The following SLC8B1 variants were observed in gnomAD, a reference collection of about 807,000 sequenced individuals.
SLC8B1 encodes the protein mitochondrial sodium/calcium exchanger protein.
In SLC8B1, 52 loss-of-function variants were observed where a neutral mutation model predicts 63.4. The ratio of observed to expected loss-of-function variants is 0.82; its 90% confidence interval spans 0.66 to 1.03. The LOEUF (loss-of-function observed/expected upper bound fraction) is 1.03. Ranked by LOEUF, SLC8B1 falls within the 50% of genes least tolerant of loss-of-function variation. SLC8B1 has a pLI of 0.00. For synonymous variants in SLC8B1, 336 were observed against 323.9 expected (o/e 1.04, Z -0.40); for missense variants, 657 against 741.7 (o/e 0.89, Z 1.33).
Position 113,303,141 on chromosome 12 carries a change from A to ACG in SLC8B1, c.1557+1178_1557+1179dup, listed in dbSNP as rs1555273553. Among the ~76,000 whole-genome samples, 601 of 145,698 alleles carry ACG rather than the reference A, an allele frequency of 4.1e-3. 2 individuals are homozygous for ACG. Among genetic ancestry groups the ACG allele is most frequent in the South Asian group, 6.7e-3 (31 of 4,640 alleles). On this transcript the variant is annotated intron_variant, in intron 15 of 15. Coordinates refer to ENST00000680972, the MANE Select transcript of SLC8B1 (RefSeq NM_001358345.2). ...CACACACACACACACACACACACAC[A>ACG]CGCGCGCGCACAGGAGAAAAGAGGA...
chr12:113,303,588 G>A (rs1245367649), intron 15 of SLC8B1, among the ~76,000 whole-genome samples: 1 of 152,198 alleles, frequency 6.6e-6, no homozygotes, highest in Non-Finnish European at 1.5e-5. Context: ...CAGCGGCTCA[G>A]GGGTCCAATC....
chr12:113,307,003 C>T (rs1173807521), intron 13 of SLC8B1, among the ~76,000 whole-genome samples: 8 of 150,826 alleles, frequency 5.3e-5, no homozygotes, highest in East Asian at 1.9e-4. Flanking sequence ...CCCAGCTACT[C>T]GGGAGGCTGA....
At position 113,306,593 on chromosome 12, in the gene SLC8B1, G is replaced by T. The variant is rs572218435; in HGVS notation, c.1412-18C>A. The T allele has an allele frequency of 1.2e-6, 2 of 1,611,964 alleles. No individual in the cohort carries two copies. Among genetic ancestry groups the T allele is most frequent in the African/African-American group, 1.3e-5 (1 of 75,022 alleles). ...GAAGGCATCTGCACAGGAACAAGAG[G>T]GGCCTGCAGTGGTGAGTCGCTTCCC... On this transcript the variant is annotated intron_variant, in intron 13 of 15. Transcript: ENST00000680972.
chr12:113,305,926 G>A lies in SLC8B1; in HGVS notation c.1492+569C>T, dbSNP rs145029307. ...ATACAAAAATTAGCTGGGCGTGGTC[G>A]TGGGCGCCTGTAGTCCCAGCTACTC... On this transcript the variant is annotated intron_variant, in intron 14 of 15. Transcript: ENST00000680972. This position sits in a 1 kb window ranked among gnomAD's most constrained non-coding sequence, Gnocchi z 4.3. Among the ~76,000 whole-genome samples, 4 of 151,912 alleles carry A rather than the reference G, an allele frequency of 2.6e-5. No individual in the cohort carries two copies. Among genetic ancestry groups the A allele is most frequent in the African/African-American group, 7.2e-5 (3 of 41,440 alleles).
In SLC8B1 at chr12:113,305,861, A is replaced by G. The variant is rs1956664023; in HGVS notation, c.1492+634T>C. Among the ~76,000 whole-genome samples the G allele has an allele frequency of 6.6e-6, 1 of 151,928 alleles. No individual in the cohort carries two copies. The highest frequency in any genetic ancestry group is 2.4e-5 in the African/African-American group (1 of 41,378). ...ATCACTTGAGGTCAGGAGTTTGAGA[A>G]CAGCCTGGCCAACATAGTGAAACCC... On this transcript the variant is annotated intron_variant, in intron 14 of 15. Coordinates refer to ENST00000680972, the MANE Select transcript of SLC8B1 (RefSeq NM_001358345.2). The surrounding 1 kb of genome is among the most constrained non-coding windows in gnomAD (Gnocchi z 4.3).
intron 13 of SLC8B1, 41 bp downstream of exon 13, chr12:113,307,650 C>A: frequency 6.3e-7 from 1 of 1,594,570 alleles, no homozygotes; most frequent in Non-Finnish European, 8.5e-7. Flanking sequence ...TAAGATGTGG[C>A]CGCACTCACC....
rs375436288 is a variant in SLC8B1 at position 113,321,368 on chromosome 12, G to A, written c.157-20C>T. 4 of 1,613,946 alleles carry A rather than the reference G, an allele frequency of 2.5e-6. No homozygotes were observed. The African/African-American group carries it at 5.3e-5, about 22-fold the overall frequency. ...GCGGCACTGCAGGAAGACAGGGAGG[G>A]GGACATCAGCGGCAGAGACTTCCCT... On this transcript the variant is annotated intron_variant, in intron 2 of 15. Coordinates refer to ENST00000680972, the MANE Select transcript of SLC8B1 (RefSeq NM_001358345.2).
intron 14 of SLC8B1, 80 bp downstream of exon 14, chr12:113,306,415 C>A: frequency 8.0e-7 from 1 of 1,248,616 alleles, no homozygotes; most frequent in African/African-American, 1.5e-5. Context: ...GAGAACCAAT[C>A]CCCAGGGTGG....
At chr12:113,328,867 T>C (rs537388518) in intron 2 of SLC8B1, among the ~76,000 whole-genome samples, 2 of 151,648 alleles carry the variant, frequency 1.3e-5, no homozygotes, top group African/African-American at 4.8e-5. Flanking sequence ...TTCTCCTACC[T>C]CAGCCTCCCG....
chr12:113,314,684 C>A (rs535579956), intron 11 of SLC8B1, among the ~76,000 whole-genome samples: 1 of 152,292 alleles, frequency 6.6e-6, no homozygotes, highest in South Asian at 2.1e-4. Flanking sequence ...GGGGGTGCCC[C>A]TTCTCTGCTC....
In SLC8B1 at chr12:113,327,879, A is replaced by G. The variant is rs1374545150; in HGVS notation, c.156+4844T>C. Among the ~76,000 whole-genome samples, 4 of 151,434 alleles carry G rather than the reference A, an allele frequency of 2.6e-5. No homozygotes were observed. The East Asian group carries it at 7.8e-4, about 29-fold the overall frequency. On this transcript the variant is annotated intron_variant, in intron 2 of 15. Transcript: ENST00000680972. ...TGTAATCGCAGCTACTTGGGAAGCC[A>G]AGGCAGGAGAATCGCTTGAACCCAG...
Position 113,310,222 on chromosome 12 carries a change from C to A in SLC8B1, c.1257+12G>T. ...CCCTCCCCCCCCATCTCGGAGAACCCGGGCTTCTTACCCAGTGAAGCCTGG... is the reference window on the plus strand; with the variant it reads ...CCCTCCCCCCCCATCTCGGAGAACCAGGGCTTCTTACCCAGTGAAGCCTGG... On this transcript the variant is annotated intron_variant, in intron 12 of 15. Coordinates refer to ENST00000680972, the MANE Select transcript of SLC8B1 (RefSeq NM_001358345.2). The A allele has an allele frequency of 6.2e-7, 1 of 1,612,046 alleles. No individual in the cohort carries two copies. Among genetic ancestry groups the A allele is most frequent in the Non-Finnish European group, 8.5e-7 (1 of 1,179,278 alleles).
At chr12:113,306,413 A>G in intron 14 of SLC8B1, 82 bp downstream of exon 14, 2 of 1,226,508 alleles carry the variant, frequency 1.6e-6, no homozygotes, top group Non-Finnish European at 2.2e-6. Context: ...CCGAGAACCA[A>G]TCCCCAGGGT....
intron 2 of SLC8B1, among the ~76,000 whole-genome samples, chr12:113,327,681 C>CA (rs1190508653): frequency 0.053 from 5,560 of 104,634 alleles, 162 homozygotes; most frequent in East Asian, 0.19. Flanking sequence ...GACTCTGTCT[C>CA]AAAAAAAAAA....
intron 2 of SLC8B1, among the ~76,000 whole-genome samples, chr12:113,330,313 C>T (rs1251430533): frequency 2.6e-5 from 4 of 152,240 alleles, no homozygotes; most frequent in Non-Finnish European, 5.9e-5. Flanking sequence ...CTTTCCCAGC[C>T]TGCAGGCTCC....
chr12:113,320,167 C>T lies in SLC8B1; in HGVS notation c.694+164G>A, dbSNP rs940112343. 20 of 795,476 alleles carry T rather than the reference C, an allele frequency of 2.5e-5. No homozygotes were observed. Among genetic ancestry groups the T allele is most frequent in the Non-Finnish European group, 3.8e-5 (19 of 503,368 alleles). 49.3% of individuals were successfully genotyped at this position (795,476 alleles called of 1,614,324 possible). Reference sequence around the variant, plus strand: ...CAGGCCTCTTTGGTTATGTGACCCACATGTTCCCATTTTTGCTCAAGCCAG... The same window carrying T: ...CAGGCCTCTTTGGTTATGTGACCCATATGTTCCCATTTTTGCTCAAGCCAG... On this transcript the variant is annotated intron_variant, in intron 7 of 15. Coordinates refer to ENST00000680972, the MANE Select transcript of SLC8B1 (RefSeq NM_001358345.2). The surrounding 1 kb of genome is among the most constrained non-coding windows in gnomAD (Gnocchi z 5.3).
At chr12:113,314,675 G>A (rs1017613744) in intron 11 of SLC8B1, among the ~76,000 whole-genome samples, 11 of 152,190 alleles carry the variant, frequency 7.2e-5, no homozygotes, top group South Asian at 2.1e-4. Flanking sequence ...CACCCCATAG[G>A]GGGTGCCCCT....
At chr12:113,323,965 C>G (rs1324257500) in intron 2 of SLC8B1, among the ~76,000 whole-genome samples, 1 of 152,040 alleles carries the variant, frequency 6.6e-6, no homozygotes, top group South Asian at 2.1e-4. Flanking sequence ...CTGCCCCAAC[C>G]CCTCAATCTT....
At chr12:113,301,142 CA>C (rs1428679959) in intron 15 of SLC8B1, among the ~76,000 whole-genome samples, 1 of 151,626 alleles carries the variant, frequency 6.6e-6, no homozygotes, top group Non-Finnish European at 1.5e-5. Context: ...TCTCAAAAAA[CA>C]AAAGAAGAAA....
Sources: gnomAD v4.1 joint callset for allele counts (sites outside exome capture counted in the v4.1 genomes callset) on GRCh38, gnomAD v4.1.1 for gene constraint, Gnocchi (gnomAD v3.1) non-coding constraint, MANE v1.5 for transcripts, NCBI Gene and HGNC (gene_info 2026-07-23, HGNC 2026-07-21) for gene names.